The following ANO3 variants were observed in gnomAD, a reference collection of about 807,000 sequenced individuals.
ANO3 encodes anoctamin 3.
ANO3 carries 99 observed loss-of-function variants against 144.8 expected under a neutral mutation model. The ratio of observed to expected loss-of-function variants is 0.68; its 90% CI spans 0.58 to 0.81. The LOEUF (loss-of-function observed/expected upper bound fraction) is 0.81, where lower values mean the gene tolerates loss of function less well. Ranked by LOEUF, ANO3 falls within the 30% of genes least tolerant of loss-of-function variation. ANO3 has a pLI of 0.00. For missense variants in ANO3, 905 were observed against 1,202.2 expected (o/e 0.75, Z 3.66); for synonymous variants, 414 against 392.6 (o/e 1.05, Z -0.64).
intron 1 of ANO3, among the ~76,000 whole-genome samples, chr11:26,347,252 C>T (rs1037435133): frequency 1.1e-4 from 17 of 152,164 alleles, no homozygotes; most frequent in African/African-American, 4.1e-4. Context: ...TTGAATCAAT[C>T]GGCACAATTC....
chr11:26,501,474 G>A (rs1336724452), intron 4 of ANO3, among the ~76,000 whole-genome samples: 2 of 152,184 alleles, frequency 1.3e-5, no homozygotes, highest in Non-Finnish European at 2.9e-5. Flanking sequence ...GGCAGCATCT[G>A]AGAGCCATCC....
At chr11:26,237,705 C>T (rs1852565418) in intron 1 of ANO3, among the ~76,000 whole-genome samples, 1 of 151,960 alleles carries the variant, frequency 6.6e-6, no homozygotes, top group Non-Finnish European at 1.5e-5. Context: ...GTAAAAATTT[C>T]TAAAGTAGTC....
At chr11:26,343,850 A>G (rs1855428228) in intron 1 of ANO3, among the ~76,000 whole-genome samples, 1 of 152,340 alleles carries the variant, frequency 6.6e-6, no homozygotes, top group African/African-American at 2.4e-5. Flanking sequence ...AGTACATACT[A>G]AAACAATAAG....
chr11:26,425,215 A>G (rs1857885360), intron 1 of ANO3, among the ~76,000 whole-genome samples: 2 of 152,110 alleles, frequency 1.3e-5, no homozygotes, highest in South Asian at 2.1e-4. Context: ...ATAAAAATAA[A>G]CAAATAAATA....
In ANO3 at chr11:26,553,735, C is replaced by G. The variant is rs1189174358; in HGVS notation, c.1386+390C>G. ...AATGAAATAACATTCAAAAAATCCC[C>G]AAATTGCTGCCTGTTAGAATTAACT... On this transcript the variant is annotated intron_variant, in intron 13 of 26. Coordinates refer to ENST00000256737, the MANE Select transcript of ANO3 (RefSeq NM_031418.4). 5.3e-5 allele frequency among the ~76,000 whole-genome samples: 8 copies of G among 151,996 alleles called. No individual in the cohort carries two copies. In the East Asian group the frequency reaches 1.4e-3, roughly 26 times the overall value.
chr11:26,243,141 G>A (rs1185765504), intron 1 of ANO3, among the ~76,000 whole-genome samples: 1 of 152,128 alleles, frequency 6.6e-6, no homozygotes, highest in African/African-American at 2.4e-5. Context: ...TGCCAAAGCA[G>A]GGATATGGCC....
intron 1 of ANO3, among the ~76,000 whole-genome samples, chr11:26,297,116 A>T (rs1044468186): frequency 1.2e-4 from 19 of 152,074 alleles, no homozygotes; most frequent in Non-Finnish European, 2.6e-4. Context: ...CCTATAATTT[A>T]AAAATAGTAA....
Position 26,661,638 on chromosome 11 carries a change from A to G in ANO3, c.*1194A>G, listed in dbSNP as rs1197213781. 6.6e-6 allele frequency: 1 copy of G among 152,046 alleles called. No individual in the cohort carries two copies. Among genetic ancestry groups the G allele is most frequent in the Non-Finnish European group, 1.5e-5 (1 of 67,990 alleles). The allele number at this position is 152,046 out of a possible 1,614,324, so 9.4% of individuals were successfully genotyped here. The stretch of plus-strand genomic sequence containing the variant: ...GGAGTTTTATGTTATTATTTCTTCC[A>G]TAGTTTTGTTTTGGTTTATTTTTAA... On this transcript the variant is annotated 3_prime_UTR_variant, in exon 27 of 27. Transcript: ENST00000256737.
chr11:26,511,915 A>G (rs919720840), intron 5 of ANO3, among the ~76,000 whole-genome samples: 4 of 152,172 alleles, frequency 2.6e-5, no homozygotes, highest in African/African-American at 9.7e-5. Context: ...AAAACAGGGT[A>G]CTAAATGAGG....
intron 13 of ANO3, 99 bp from the exon 14 acceptor site, chr11:26,559,619 TC>T: frequency 1.2e-6 from 1 of 810,560 alleles, no homozygotes; most frequent in Non-Finnish European, 2.1e-6. Flanking sequence ...ATAATATGAT[TC>T]TATTTGAGAA....
At chr11:26,542,671 T>G (rs1378668022) in intron 11 of ANO3, among the ~76,000 whole-genome samples, 1 of 152,076 alleles carries the variant, frequency 6.6e-6, no homozygotes, top group African/African-American at 2.4e-5. Context: ...AAAGATCTAC[T>G]CTACTTCAGG....
chr11:26,505,348 T>C (rs909765088), intron 4 of ANO3, among the ~76,000 whole-genome samples: 28 of 152,318 alleles, frequency 1.8e-4, no homozygotes, highest in African/African-American at 6.7e-4. Context: ...AATTTCATTT[T>C]GGACAATTAA....
At chr11:26,508,285 T>C in intron 5 of ANO3, 23 bp downstream of exon 5, 1 of 1,564,292 alleles carries the variant, frequency 6.4e-7, no homozygotes, top group Non-Finnish European at 8.6e-7. Flanking sequence ...CTATTATTAG[T>C]TATGTGATAA....
chr11:26,264,986 A>T (rs1453702260), intron 1 of ANO3, among the ~76,000 whole-genome samples: 1 of 152,086 alleles, frequency 6.6e-6, no homozygotes, highest in Non-Finnish European at 1.5e-5. Context: ...ATATATATTG[A>T]AGTTGGTGGT....
intron 24 of ANO3, among the ~76,000 whole-genome samples, chr11:26,653,251 A>T (rs888499042): frequency 6.6e-6 from 1 of 152,158 alleles, no homozygotes; most frequent in African/African-American, 2.4e-5. Flanking sequence ...AATTTCATCC[A>T]ATCCTGCTTA....
intron 4 of ANO3, among the ~76,000 whole-genome samples, chr11:26,466,927 A>T (rs1259684094): frequency 6.6e-6 from 1 of 152,022 alleles, no homozygotes; most frequent in African/African-American, 2.4e-5. Context: ...TATTCACAGC[A>T]TGCATTTAAT....
intron 4 of ANO3, among the ~76,000 whole-genome samples, chr11:26,498,754 A>G (rs1003687100): frequency 2.6e-5 from 4 of 151,778 alleles, no homozygotes; most frequent in Non-Finnish European, 4.4e-5. Context: ...CAACAGAACG[A>G]ACTAGTATTC....
chr11:26,201,719 T>C (rs1386494766), intron 1 of ANO3, among the ~76,000 whole-genome samples: 6 of 151,922 alleles, frequency 3.9e-5, no homozygotes, highest in Admixed American at 2.0e-4. Context: ...GGAGTAGTAA[T>C]ATGTTTCATT....
chr11:26,476,942 A>G (rs1860007244), intron 4 of ANO3, among the ~76,000 whole-genome samples: 1 of 151,262 alleles, frequency 6.6e-6, no homozygotes, highest in Non-Finnish European at 1.5e-5. Context: ...TGAGAGAGAG[A>G]GAGAGAGAGA....
Sources: gnomAD v4.1 joint callset for allele counts (sites outside exome capture counted in the v4.1 genomes callset) on GRCh38, gnomAD v4.1.1 for gene constraint, MANE v1.5 for transcripts, NCBI Gene and HGNC (gene_info 2026-07-23, HGNC 2026-07-21) for gene names.